Variants in DPP7 observed in about 807,000 individuals in gnomAD.
DPP7 encodes dipeptidyl peptidase 7.
DPP7 carries 74 observed loss-of-function variants against 58.8 expected under a neutral mutation model. The observed-to-expected ratio is 1.26, with a 90% confidence interval of 1.04 to 1.53. The LOEUF (loss-of-function observed/expected upper bound fraction) is 1.53, where lower values mean the gene tolerates loss of function less well. Ranked by LOEUF, DPP7 falls within the 40% of genes most tolerant of loss-of-function variation. DPP7 has a pLI of 0.00. For missense variants in DPP7, 807 were observed against 692.3 expected (o/e 1.17, Z -1.86); for synonymous variants, 350 against 303.6 (o/e 1.15, Z -1.59).
At position 137,111,668 on chromosome 9, in the gene DPP7, T is replaced by C. The variant is rs376366139; in HGVS notation, c.1272+22A>G. On this transcript the variant is annotated intron_variant, in intron 11 of 12. Coordinates refer to ENST00000371579, the MANE Select transcript of DPP7 (RefSeq NM_013379.3). Reference sequence around the variant, plus strand: ...AAAAACAAACAAACTAACGGGGTCATAGGGCCCAGGCCAGGACTCACCCCG... The same window carrying C: ...AAAAACAAACAAACTAACGGGGTCACAGGGCCCAGGCCAGGACTCACCCCG... 27 of 1,605,712 alleles carry C rather than the reference T, an allele frequency of 1.7e-5. No individual in the cohort carries two copies. The African/African-American group carries it at 3.4e-4, about 20-fold the overall frequency.
In DPP7 at chr9:137,112,862, C is replaced by G. The variant is rs538153439; in HGVS notation, c.871-57G>C. 1.6e-4 allele frequency: 252 copies of G among 1,601,492 alleles called. No individual in the cohort carries two copies. The African/African-American group carries it at 3.0e-3, about 19-fold the overall frequency. On this transcript the variant is annotated intron_variant, in intron 7 of 12. Coordinates refer to ENST00000371579, the MANE Select transcript of DPP7 (RefSeq NM_013379.3). ...GGTCCCCTCCACCAGCTCCGCCTCC[C>G]TGGCTCCCAGGATGAGGGTCAGGCC...
intron 2 of DPP7, 32 bp downstream of exon 2, chr9:137,114,431 C>T (rs748806370): frequency 3.5e-5 from 54 of 1,542,192 alleles, no homozygotes; most frequent in Middle Eastern, 2.2e-4. Flanking sequence ...GGCGGGACGG[C>T]GGGGGCGGCC....
In DPP7 at chr9:137,110,744, C is replaced by T. The variant is rs780305582; in HGVS notation, c.1383G>A (p.Ala461=). ...HPEDPASVVE[A]RKLEATIIGE... is the part of the protein sequence containing the mutation. ...CGATGATGGTGGCCTCCAGCTTCCG[C>T]GCCTCAACCACGGAAGCAGGATCTT... The change falls in exon 13 of 13, where the codon GCG becomes GCA. Residue 461 remains alanine (A), a synonymous_variant. Transcript: ENST00000371579. 2.2e-5 allele frequency: 36 copies of T among 1,606,774 alleles called. No individual in the cohort carries two copies. The highest frequency in any genetic ancestry group is 8.9e-5 in the East Asian group (4 of 44,858).
At position 137,113,889 on chromosome 9, in the gene DPP7, G is replaced by C. The variant is rs958659235; in HGVS notation, c.461C>G (p.Ala154Gly). The change falls in exon 4 of 13, where the codon GCC becomes GGC. Residue 154 changes from alanine to glycine, a missense_variant. Ala to Gly is a moderately conservative substitution (Grantham distance 60). Around this residue, in one of 3 missense-constraint regions of DPP7, gnomAD observed 624 missense variants for 531.2 expected, o/e 1.17. Coordinates refer to ENST00000371579, the MANE Select transcript of DPP7 (RefSeq NM_013379.3). ...CCTTCCACCGAAGGCGATGGCGGGGGCATCCTGGGCCCCGAGGTCGCGTCG... is the reference window on the plus strand; with the variant it reads ...CCTTCCACCGAAGGCGATGGCGGGGCCATCCTGGGCCCCGAGGTCGCGTCG... ...ALRRDLGAQDAPAIAFGGSYG... is the reference protein window; with the variant it reads ...ALRRDLGAQDGPAIAFGGSYG... 4 of 1,560,640 alleles carry C rather than the reference G, an allele frequency of 2.6e-6. No individual in the cohort carries two copies. In the African/African-American group the frequency reaches 4.1e-5, roughly 16 times the overall value.
chr9:137,112,323 G>A, intron 8 of DPP7, 93 bp from the exon 9 acceptor site: 3 of 1,045,480 alleles, frequency 2.9e-6, no homozygotes, highest in Non-Finnish European at 4.1e-6. Context: ...TGGTCCTGCA[G>A]GGGATCTGGG....
At chr9:137,114,614 C>G (rs1831568392) in intron 1 of DPP7, 33 bp downstream of exon 1, 3 of 1,434,472 alleles carry the variant, frequency 2.1e-6, no homozygotes, top group Non-Finnish European at 2.7e-6. Flanking sequence ...GGGGCCGGGA[C>G]CGGGGAATGG....
rs199711082 is a variant in DPP7 at position 137,114,573 on chromosome 9, C to T, written c.71G>A (p.Arg24His). The T allele has an allele frequency of 7.6e-5, 117 of 1,536,758 alleles. No homozygotes were observed. The highest frequency in any genetic ancestry group is 4.4e-4 in the Middle Eastern group (2 of 4,532). The change falls in exon 2 of 13, where the codon CGC (arginine) becomes CAC (histidine). Residue 24 changes from arginine to histidine, a missense_variant. Arg to His is a conservative substitution (Grantham distance 29). Transcript: ENST00000371579. Reference protein sequence around the residue: ...LGLRGLQAGARRAPDPGFQER... With the variant: ...LGLRGLQAGAHRAPDPGFQER... ...CTGGAAGCCGGGGTCCGGGGCCCTG[C>T]GGGCTGTGGGGGGACGCGAACCTCA...
At position 137,111,602 on chromosome 9, in the gene DPP7, T is replaced by C; in HGVS notation, c.1272+88A>G. 2.7e-6 allele frequency: 4 copies of C among 1,461,792 alleles called. No homozygotes were observed. The Admixed American group carries it at 5.6e-5, about 21-fold the overall frequency. 90.6% of individuals were successfully genotyped at this position (1,461,792 alleles called of 1,614,324 possible). On this transcript the variant is annotated intron_variant, in intron 11 of 12. Transcript: ENST00000371579. The stretch of plus-strand genomic sequence containing the variant: ...GCAGTGAACCCTGATCTCGCCACTG[T>C]ATTCCAGCCTGGGCGCCAGAGAAAG...
chr9:137,113,024 T>G lies in DPP7; in HGVS notation c.799A>C (p.Thr267Pro), dbSNP rs1423034110. Residue 267 changes from threonine (T) to proline (P), a missense_variant, in exon 7 of 13, where the codon ACC becomes CCC. By Grantham distance (38) the Thr-to-Pro change is conservative. Coordinates refer to ENST00000371579, the MANE Select transcript of DPP7 (RefSeq NM_013379.3). ...GGGTAGTCCATCATGGCCAGCACGG[T>G]GAAGGCATTCCGGGCGAACATGAAG... ...QLFMFARNAF[T>P]VLAMMDYPYP... 6.2e-7 allele frequency: 1 copy of G among 1,613,772 alleles called. No homozygotes were observed. The highest frequency in any genetic ancestry group is 2.2e-5 in the East Asian group (1 of 44,876).
intron 11 of DPP7, among the ~76,000 whole-genome samples, chr9:137,111,466 T>A (rs1194476317): frequency 6.6e-6 from 1 of 152,132 alleles, no homozygotes; most frequent in South Asian, 2.1e-4. Flanking sequence ...GCCTGGGCGA[T>A]ATGGTGAGAC....
At position 137,110,951 on chromosome 9, in the gene DPP7, C is replaced by T; in HGVS notation, c.1273-1G>A. 7 of 1,612,944 alleles carry T rather than the reference C, an allele frequency of 4.3e-6. No individual in the cohort carries two copies. The highest frequency in any genetic ancestry group is 5.1e-6 in the Non-Finnish European group (6 of 1,179,830). The stretch of plus-strand genomic sequence containing the variant: ...CTGAGGCACTCAGGTTCCTCCGAAT[C>T]TGTGGTCAGTGGAAAGAACTCCATC... On this transcript the variant is annotated splice_acceptor_variant, in intron 11 of 12. Transcript: ENST00000371579. LOFTEE classifies it high-confidence loss of function.
In DPP7 at chr9:137,112,933, C is replaced by T. The variant is rs766021457; in HGVS notation, c.870+20G>A. On this transcript the variant is annotated intron_variant, in intron 7 of 12. Coordinates refer to ENST00000371579, the MANE Select transcript of DPP7 (RefSeq NM_013379.3). Reference sequence around the variant, plus strand: ...CACTCCAGCCGGCCTCTCCCTGCGCCCTGGGAGGCGGCGCCTCACCTTGAC... The same window carrying T: ...CACTCCAGCCGGCCTCTCCCTGCGCTCTGGGAGGCGGCGCCTCACCTTGAC... 2.5e-6 allele frequency: 4 copies of T among 1,612,506 alleles called. No individual in the cohort carries two copies. The highest frequency in any genetic ancestry group is 2.7e-5 in the African/African-American group (2 of 74,922).
Position 137,113,927 on chromosome 9 carries a change from C to T in DPP7, c.423G>A (p.Leu141=). The T allele has an allele frequency of 1.3e-6, 2 of 1,582,466 alleles. No homozygotes were observed. Residue 141 remains leucine, a synonymous_variant, in exon 4 of 13, where the codon CTG becomes CTA. Transcript: ENST00000371579. ...CGAGGTCGCGTCGTAGCGCGCGGAGCAGCTCTGCGAAGTCGGCCAGGGCCT... is the reference window on the plus strand; with the variant it reads ...CGAGGTCGCGTCGTAGCGCGCGGAGTAGCTCTGCGAAGTCGGCCAGGGCCT... ...VEQALADFAE[L]LRALRRDLGA...
At chr9:137,111,657 T>A (rs374342759) in intron 11 of DPP7, 33 bp downstream of exon 11, 163 of 1,593,262 alleles carry the variant, frequency 1.0e-4, no homozygotes, top group Middle Eastern at 6.7e-4. Context: ...ACAAACAAAC[T>A]AACGGGGTCA....
At position 137,112,164 on chromosome 9, in the gene DPP7, G is replaced by A. The variant is rs1167322144; in HGVS notation, c.998C>T (p.Ala333Val). The A allele has an allele frequency of 1.2e-6, 2 of 1,609,284 alleles. No individual in the cohort carries two copies. The highest frequency in any genetic ancestry group is 2.2e-5 in the East Asian group (1 of 44,864). ...YDIYRLYHSC[A>V]DPTGCGTGPD... ...GCCGGTGCCGCAGCCAGTGGGGTCA[G>A]CACAGCTGTGGTAGAGCCGGTAGAT... is the stretch of plus-strand genomic sequence containing the variant. Residue 333 changes from alanine (A) to valine (V), a missense_variant, in exon 9 of 13, where the codon GCT (alanine) becomes GTT (valine). Ala to Val is a moderately conservative substitution (Grantham distance 64, BLOSUM62 0). This residue lies in a region of DPP7 where 624 missense variants were observed against 531.2 expected (regional missense o/e 1.17). Transcript: ENST00000371579.
At position 137,111,862 on chromosome 9, in the gene DPP7, C is replaced by A; in HGVS notation, c.1207+11G>T. On this transcript the variant is annotated intron_variant, in intron 10 of 12. Coordinates refer to ENST00000371579, the MANE Select transcript of DPP7 (RefSeq NM_013379.3). Reference sequence around the variant, plus strand: ...AAAGCAGGACGCTGGCCCACCCCCCCTCAGCCTTACCACCCCCCCAGAAGC... The same window carrying A: ...AAAGCAGGACGCTGGCCCACCCCCCATCAGCCTTACCACCCCCCCAGAAGC... 2 of 1,550,812 alleles carry A rather than the reference C, an allele frequency of 1.3e-6. No individual in the cohort carries two copies. The highest frequency in any genetic ancestry group is 1.8e-6 in the Non-Finnish European group (2 of 1,123,550).
chr9:137,110,668 C>G lies in DPP7; in HGVS notation c.1459G>C (p.Gly487Arg), dbSNP rs1367707825. The change falls in exon 13 of 13, where the codon GGG becomes CGG. Residue 487 changes from glycine to arginine, a missense_variant. Around this residue, in one of 3 missense-constraint regions of DPP7, gnomAD observed 624 missense variants for 531.2 expected, o/e 1.17. Coordinates refer to ENST00000371579, the MANE Select transcript of DPP7 (RefSeq NM_013379.3). ...RREQQPALRGGPRLSL is the reference protein window; with the variant it reads ...RREQQPALRGRPRLSL ...TGTGCTCAGAGGCTGAGTCTGGGCC[C>G]CCCACGCAGAGCTGGCTGCTGCTCA... is the stretch of plus-strand genomic sequence containing the variant. 1.2e-6 allele frequency: 2 copies of G among 1,610,014 alleles called. No homozygotes were observed. The highest frequency in any genetic ancestry group is 1.7e-6 in the Non-Finnish European group (2 of 1,179,936).
In DPP7 at chr9:137,114,456, G is replaced by C; in HGVS notation, c.181+7C>G. 2 of 1,562,372 alleles carry C rather than the reference G, an allele frequency of 1.3e-6. No individual in the cohort carries two copies. The highest frequency in any genetic ancestry group is 1.2e-5 in the South Asian group (1 of 85,706). ...CGGGGGCGGCCGGGCCGGGGCCGGG[G>C]TCTCACCCGACACCAGGAAGCGCTG... On this transcript the variant is annotated splice_region_variant and intron_variant, in intron 2 of 12. Transcript: ENST00000371579.
upstream of DPP7, among the ~76,000 whole-genome samples, chr9:137,117,957 G>T (rs1180830790): frequency 6.6e-6 from 1 of 151,536 alleles, no homozygotes; most frequent in East Asian, 1.9e-4. Flanking sequence ...CTGACTCCAG[G>T]TACGTCATAT....
Sources: gnomAD v4.1 joint callset for allele counts (sites outside exome capture counted in the v4.1 genomes callset) on GRCh38, gnomAD v4.1.1 for gene constraint, gnomAD v4.1.1 regional missense constraint, MANE v1.5 for transcripts, NCBI Gene and HGNC (gene_info 2026-07-23, HGNC 2026-07-21) for gene names.